Variants in DLC1 observed in about 807,000 individuals in gnomAD.
DLC1 encodes the protein rho GTPase-activating protein 7.
Under a neutral mutation model 140.3 loss-of-function variants are expected in DLC1, and 54 were observed. That is an observed-to-expected ratio of 0.38 (90% CI 0.31 to 0.48). The LOEUF (loss-of-function observed/expected upper bound fraction) is 0.48, where lower values mean the gene tolerates loss of function less well. DLC1 is among the 20% of genes least tolerant of loss of function. The pLI is 0.96. For synonymous variants in DLC1, 986 were observed against 728.1 expected (o/e 1.35, Z -5.70); for missense variants, 2,536 against 1,907.0 (o/e 1.33, Z -6.14).
chr8:13,456,930 C>G (rs1799417017), intron 2 of DLC1, among the ~76,000 whole-genome samples: 1 of 152,190 alleles, frequency 6.6e-6, no homozygotes, highest in African/African-American at 2.4e-5. Context: ...GCAGGGTTAT[C>G]AATGTGGTCA....
chr8:13,223,289 C>T (rs549282950), intron 5 of DLC1, among the ~76,000 whole-genome samples: 43 of 152,252 alleles, frequency 2.8e-4, no homozygotes, highest in African/African-American at 1.0e-3. Context: ...AACCCCGCCC[C>T]CAGCAACATT....
intron 5 of DLC1, among the ~76,000 whole-genome samples, chr8:13,253,328 C>A (rs1415092925): frequency 1.3e-5 from 2 of 152,110 alleles, no homozygotes; most frequent in Admixed American, 1.3e-4. Context: ...GTAACAATGC[C>A]TTTTTAAAAA....
intron 4 of DLC1, among the ~76,000 whole-genome samples, chr8:13,336,279 C>G (rs988551830): frequency 6.6e-6 from 1 of 151,750 alleles, no homozygotes; most frequent in Non-Finnish European, 1.5e-5. Context: ...GTGCTTGACC[C>G]CAAGACACTG....
At chr8:13,538,997 T>C (rs1169056379) in intron 1 of DLC1, among the ~76,000 whole-genome samples, 1 of 152,218 alleles carries the variant, frequency 6.6e-6, no homozygotes, top group Non-Finnish European at 1.5e-5. Context: ...TCATCATTTT[T>C]CTATTTAGTC....
chr8:13,452,629 C>T (rs1435251689), intron 2 of DLC1, among the ~76,000 whole-genome samples: 1 of 152,172 alleles, frequency 6.6e-6, no homozygotes, highest in East Asian at 1.9e-4. Flanking sequence ...ATGATGATCT[C>T]AGATGGTCTT....
At chr8:13,327,543 C>A (rs1472130123) in intron 4 of DLC1, among the ~76,000 whole-genome samples, 1 of 150,922 alleles carries the variant, frequency 6.6e-6, no homozygotes, top group African/African-American at 2.4e-5. Flanking sequence ...TGGTCTTGAA[C>A]TCCTGGGTTC....
chr8:13,481,110 C>G (rs1800712614), intron 2 of DLC1, among the ~76,000 whole-genome samples: 1 of 152,054 alleles, frequency 6.6e-6, no homozygotes, highest in Non-Finnish European at 1.5e-5. Flanking sequence ...ATAAATTTAA[C>G]TAAAATATTA....
intron 4 of DLC1, among the ~76,000 whole-genome samples, chr8:13,324,855 G>A (rs1481770620): frequency 2.0e-5 from 3 of 152,152 alleles, no homozygotes; most frequent in African/African-American, 4.8e-5. Context: ...TTTCGTGTGT[G>A]TGTGTGTGTC....
At chr8:13,219,326 A>G (rs1585937428) in intron 5 of DLC1, among the ~76,000 whole-genome samples, 1 of 128,962 alleles carries the variant, frequency 7.8e-6, no homozygotes, top group African/African-American at 2.9e-5. Flanking sequence ...AGTTATATTC[A>G]TATAATTATA....
At chr8:13,275,955 A>T (rs1212314115) in intron 5 of DLC1, among the ~76,000 whole-genome samples, 1 of 152,176 alleles carries the variant, frequency 6.6e-6, no homozygotes, top group East Asian at 1.9e-4. Flanking sequence ...ATTTCCTGAC[A>T]GTCACAAGGA....
chr8:13,566,648 T>C (rs1007636780), intron 1 of DLC1, among the ~76,000 whole-genome samples: 2 of 152,220 alleles, frequency 1.3e-5, no homozygotes, highest in Non-Finnish European at 2.9e-5. Flanking sequence ...GTCTGACCCC[T>C]GGGAAACAGA....
intron 4 of DLC1, among the ~76,000 whole-genome samples, chr8:13,367,960 C>T (rs565891063): frequency 6.6e-6 from 1 of 152,234 alleles, no homozygotes; most frequent in East Asian, 1.9e-4. Flanking sequence ...CAATTATGAC[C>T]AATAATTGTG....
chr8:13,423,743 C>G (rs184819659), intron 2 of DLC1, among the ~76,000 whole-genome samples: 1 of 152,080 alleles, frequency 6.6e-6, no homozygotes, highest in Non-Finnish European at 1.5e-5. Context: ...AGGGCAAATA[C>G]ATGAGAAAGT....
At chr8:13,486,419 C>G (rs530492406) in intron 2 of DLC1, among the ~76,000 whole-genome samples, 1 of 152,128 alleles carries the variant, frequency 6.6e-6, no homozygotes, top group South Asian at 2.1e-4. Flanking sequence ...TTAAGAAAAC[C>G]CTTAATATTA....
chr8:13,158,226 G>T (rs1824403347), intron 5 of DLC1, among the ~76,000 whole-genome samples: 1 of 152,186 alleles, frequency 6.6e-6, no homozygotes, highest in Non-Finnish European at 1.5e-5. Flanking sequence ...GGGGTTAATT[G>T]TGTGTCTGAC....
intron 2 of DLC1, among the ~76,000 whole-genome samples, chr8:13,463,781 T>C (rs1213002103): frequency 6.6e-6 from 1 of 152,182 alleles, no homozygotes; most frequent in Non-Finnish European, 1.5e-5. Flanking sequence ...CTTTAAAGAC[T>C]GGGATTATCA....
chr8:13,395,016 ATC>A (rs1836960778), intron 3 of DLC1, among the ~76,000 whole-genome samples: 1 of 85,896 alleles, frequency 1.2e-5, no homozygotes, highest in Non-Finnish European at 2.2e-5. Context: ...CTATCTATCT[ATC>A]TATCTATCTA....
chr8:13,153,900 C>G (rs1443797337), intron 5 of DLC1, among the ~76,000 whole-genome samples: 2 of 152,142 alleles, frequency 1.3e-5, no homozygotes, highest in African/African-American at 2.4e-5. Flanking sequence ...CATAAAGGTT[C>G]TCCAAGTCCC....
intron 1 of DLC1, among the ~76,000 whole-genome samples, chr8:13,574,051 C>A: frequency 6.6e-6 from 1 of 152,124 alleles, no homozygotes; most frequent in East Asian, 1.9e-4. Flanking sequence ...CTGAATGTAT[C>A]TTCTCCACCA....
Sources: gnomAD v4.1 joint callset for allele counts (sites outside exome capture counted in the v4.1 genomes callset) on GRCh38, gnomAD v4.1.1 for gene constraint, MANE v1.5 for transcripts, NCBI Gene and HGNC (gene_info 2026-07-23, HGNC 2026-07-21) for gene names.